RARB: variants seen among roughly 807,000 people sequenced by gnomAD.
RARB encodes the protein retinoic acid receptor beta.
RARB carries 17 observed loss-of-function variants against 51.9 expected under a neutral mutation model. The observed-to-expected ratio is 0.33, with a 90% CI of 0.22 to 0.49. The LOEUF (loss-of-function observed/expected upper bound fraction) is 0.49. RARB is among the 20% of genes least tolerant of loss of function. RARB has a pLI of 0.99. For missense variants in RARB, 369 were observed against 550.8 expected (o/e 0.67, Z 3.30); for synonymous variants, 215 against 195.4 (o/e 1.10, Z -0.84).
chr3:25,588,825 T>A (rs1398305797), intron 5 of RARB, among the ~76,000 whole-genome samples: 1 of 152,174 alleles, frequency 6.6e-6, no homozygotes, highest in Non-Finnish European at 1.5e-5. Context: ...CCTCTTGAAA[T>A]GTCAGCTAGC....
intron 5 of RARB, among the ~76,000 whole-genome samples, chr3:25,186,087 T>G (rs545382188): frequency 1.2e-4 from 18 of 151,980 alleles, no homozygotes; most frequent in South Asian, 6.2e-4. Flanking sequence ...AGACAAAATA[T>G]ATAAGAGCAT....
intron 4 of RARB, among the ~76,000 whole-genome samples, chr3:25,163,802 C>T (rs1700516769): frequency 1.3e-5 from 2 of 152,124 alleles, no homozygotes; most frequent in South Asian, 2.1e-4. Context: ...AATTAGAAAA[C>T]TCTATTCCAC....
At chr3:24,948,946 T>A (rs1490587706) in intron 2 of RARB, among the ~76,000 whole-genome samples, 2 of 152,194 alleles carry the variant, frequency 1.3e-5, no homozygotes, top group Non-Finnish European at 2.9e-5. Flanking sequence ...ATAATTTATT[T>A]AAAAATTATC....
At chr3:24,884,774 T>C (rs1346460844) in intron 2 of RARB, among the ~76,000 whole-genome samples, 3 of 152,162 alleles carry the variant, frequency 2.0e-5, no homozygotes, top group Non-Finnish European at 4.4e-5. Context: ...ACTCTTTGTG[T>C]AGGAGCTCTA....
At chr3:25,056,867 GA>G (rs1190948481) in intron 2 of RARB, among the ~76,000 whole-genome samples, 4 of 152,036 alleles carry the variant, frequency 2.6e-5, no homozygotes, top group Non-Finnish European at 5.9e-5. Flanking sequence ...AATCATTAGA[GA>G]AAAAATTCCT....
intron 2 of RARB, among the ~76,000 whole-genome samples, chr3:24,924,801 A>T (rs1660577057): frequency 6.6e-6 from 1 of 152,140 alleles, no homozygotes. Context: ...CCACGTGTGG[A>T]CTCAGACAAG....
At chr3:25,040,146 T>A (rs1698083603) in intron 2 of RARB, among the ~76,000 whole-genome samples, 2 of 152,148 alleles carry the variant, frequency 1.3e-5, no homozygotes, top group South Asian at 4.1e-4. Context: ...GTGAAAAAAA[T>A]TCCGTCAACA....
chr3:25,581,169 C>G (rs1701158572), intron 5 of RARB, among the ~76,000 whole-genome samples: 1 of 152,206 alleles, frequency 6.6e-6, no homozygotes, highest in Non-Finnish European at 1.5e-5. Flanking sequence ...GGGGACCTCT[C>G]TCCTCCTAAG....
At chr3:24,956,212 T>C (rs569094186) in intron 2 of RARB, among the ~76,000 whole-genome samples, 1 of 152,284 alleles carries the variant, frequency 6.6e-6, no homozygotes, top group East Asian at 1.9e-4. Context: ...AAGACAGACA[T>C]TGAAGTTCAC....
intron 5 of RARB, among the ~76,000 whole-genome samples, chr3:25,411,422 C>T (rs1032708447): frequency 6.6e-6 from 1 of 152,180 alleles, no homozygotes; most frequent in African/African-American, 2.4e-5. Flanking sequence ...TTGGGAGATC[C>T]AGTGCATGTT....
At chr3:25,368,492 T>C (rs988527360) in intron 5 of RARB, among the ~76,000 whole-genome samples, 26 of 152,174 alleles carry the variant, frequency 1.7e-4, no homozygotes, top group Admixed American at 5.2e-4. Flanking sequence ...TACTGTAATA[T>C]ATTATTTGTG....
intron 3 of RARB, among the ~76,000 whole-genome samples, chr3:25,514,062 T>TA (rs1698038881): frequency 6.6e-6 from 1 of 152,184 alleles, no homozygotes; most frequent in African/African-American, 2.4e-5. Flanking sequence ...AATGTCTCCC[T>TA]AAAAATAGCA....
chr3:25,409,494 T>A (rs1707501975), intron 5 of RARB, among the ~76,000 whole-genome samples: 1 of 152,136 alleles, frequency 6.6e-6, no homozygotes. Context: ...CCATAGGGTG[T>A]AAGAACCTTC....
chr3:25,377,136 G>A (rs561352125), intron 5 of RARB, among the ~76,000 whole-genome samples: 8 of 152,086 alleles, frequency 5.3e-5, no homozygotes, highest in Non-Finnish European at 1.5e-5. Flanking sequence ...ACCTACAGAT[G>A]TTTGCACAAA....
At chr3:24,859,059 A>AAAG (rs1702690912) in intron 2 of RARB, among the ~76,000 whole-genome samples, 10 of 29,360 alleles carry the variant, frequency 3.4e-4, no homozygotes, top group East Asian at 2.7e-3. Context: ...AAAAAAAAAG[A>AAAG]AAAAAAAAAA....
chr3:24,930,896 C>G (rs1341764072), intron 2 of RARB, among the ~76,000 whole-genome samples: 1 of 152,032 alleles, frequency 6.6e-6, no homozygotes, highest in East Asian at 1.9e-4. Context: ...ATTTGCAGTT[C>G]TAGTTACCTG....
rs1485525078 is a variant in RARB at position 25,228,222 on chromosome 3, T to TTG, written c.178+53648_178+53649insGT. 2.6e-3 allele frequency among the ~76,000 whole-genome samples: 374 copies of TTG among 143,828 alleles called. 3 individuals carry two copies. The highest frequency in any genetic ancestry group is 9.0e-3 in the African/African-American group (360 of 40,026). The allele number at this position is 143,828 out of a possible 152,430, so 94.4% of individuals were successfully genotyped here. ...CATCTATGGTGACTTTGAGGGTTTT[T>TTG]TTTTTTTTTTTTTTTGGTTGTTCAT... On this transcript the variant is annotated intron_variant, in intron 5 of 11. Coordinates refer to the RARB transcript ENST00000383772.
At chr3:24,855,988 G>A (rs900166188) in intron 1 of RARB, among the ~76,000 whole-genome samples, 2 of 152,040 alleles carry the variant, frequency 1.3e-5, no homozygotes, top group South Asian at 4.1e-4. Flanking sequence ...CTGACCTTGT[G>A]ATCCGCCCGC....
chr3:25,304,300 G>T (rs1704107632), intron 5 of RARB, among the ~76,000 whole-genome samples: 1 of 152,102 alleles, frequency 6.6e-6, no homozygotes, highest in Non-Finnish European at 1.5e-5. Context: ...TTAAACATTT[G>T]CTCCATTTCC....
Sources: allele counts gnomAD v4.1 joint callset (sites outside exome capture counted in the v4.1 genomes callset), GRCh38; gene constraint gnomAD v4.1.1; transcripts MANE v1.5; gene names NCBI Gene and HGNC (gene_info 2026-07-23, HGNC 2026-07-21).